Variants in CUL5 observed in about 807,000 individuals in gnomAD.
CUL5 encodes the protein cullin 5.
A neutral mutation model predicts 108.8 loss-of-function variants in CUL5; 26 were observed. The observed-to-expected ratio is 0.24, with a 90% confidence interval of 0.18 to 0.33. The LOEUF (loss-of-function observed/expected upper bound fraction) is 0.33. CUL5 is among the 10% of genes least tolerant of loss of function. The probability of loss-of-function intolerance (pLI) is 1.00; values close to 1 mark genes in which losing one functional copy is unlikely to be tolerated. For synonymous variants in CUL5, 334 were observed against 298.0 expected (o/e 1.12, Z -1.25); for missense variants, 524 against 909.2 (o/e 0.58, Z 5.45).
chr11:108,010,741 C>T (rs1862039705), intron 1 of CUL5, among the ~76,000 whole-genome samples: 1 of 152,180 alleles, frequency 6.6e-6, no homozygotes, highest in South Asian at 2.1e-4. Flanking sequence ...AATTGAGTAA[C>T]CCATCCCACT....
intron 3 of CUL5, among the ~76,000 whole-genome samples, chr11:108,047,425 A>G (rs1480834982): frequency 6.6e-6 from 1 of 152,196 alleles, no homozygotes; most frequent in Non-Finnish European, 1.5e-5. Flanking sequence ...AACATTAGTA[A>G]AAGTTGTTTG....
At chr11:108,099,930 C>G (rs1864609572) in intron 18 of CUL5, among the ~76,000 whole-genome samples, 1 of 149,074 alleles carries the variant, frequency 6.7e-6, no homozygotes, top group Non-Finnish European at 1.5e-5. Flanking sequence ...TTAATGGACT[C>G]AAGCGATCCT....
At chr11:108,056,900 G>A (rs1199121158) in intron 7 of CUL5, among the ~76,000 whole-genome samples, 1 of 152,152 alleles carries the variant, frequency 6.6e-6, no homozygotes, top group Non-Finnish European at 1.5e-5. Flanking sequence ...TGAGGTTTCA[G>A]CCAAGGAGAA....
chr11:108,061,556 C>G (rs1433012715), intron 7 of CUL5, among the ~76,000 whole-genome samples: 1 of 152,166 alleles, frequency 6.6e-6, no homozygotes. Flanking sequence ...CTTCCAGATT[C>G]AACAGTTATC....
At chr11:108,094,614 G>A in intron 14 of CUL5, 100 bp downstream of exon 14, 1 of 845,062 alleles carries the variant, frequency 1.2e-6, no homozygotes, top group Non-Finnish European at 1.7e-6. Flanking sequence ...TAGATCGAAA[G>A]ATGTTATGAA....
chr11:108,033,368 G>A (rs373293131), intron 1 of CUL5, among the ~76,000 whole-genome samples: 3 of 152,094 alleles, frequency 2.0e-5, no homozygotes, highest in Non-Finnish European at 2.9e-5. Flanking sequence ...CCCCAAACCC[G>A]TATCTCAAGT....
chr11:108,046,471 T>C (rs1305648034), intron 3 of CUL5, 102 bp downstream of exon 3: 2 of 624,796 alleles, frequency 3.2e-6, no homozygotes, highest in South Asian at 2.4e-5. Context: ...TTTCAAAATA[T>C]TGCATTGACT....
chr11:108,036,687 G>A (rs180959458), intron 2 of CUL5, among the ~76,000 whole-genome samples: 2 of 152,240 alleles, frequency 1.3e-5, no homozygotes, highest in Admixed American at 6.5e-5. Context: ...CATGTTGGCC[G>A]GGATGGTCTC....
chr11:108,069,974 A>G, intron 7 of CUL5, 122 bp from the exon 8 acceptor site: 1 of 556,672 alleles, frequency 1.8e-6, no homozygotes, highest in Non-Finnish European at 3.2e-6. Context: ...AGTTAAGGTA[A>G]GTGAAATCTA....
At chr11:108,046,015 C>T (rs1189172507) in intron 2 of CUL5, among the ~76,000 whole-genome samples, 1 of 152,134 alleles carries the variant, frequency 6.6e-6, no homozygotes, top group Non-Finnish European at 1.5e-5. Context: ...GAGATGGAGA[C>T]ATGCTTTCAT....
intron 7 of CUL5, among the ~76,000 whole-genome samples, chr11:108,065,966 G>T (rs1863666654): frequency 1.3e-5 from 2 of 151,976 alleles, no homozygotes; most frequent in Non-Finnish European, 2.9e-5. Flanking sequence ...TCTTATTCCT[G>T]ACCATTTGTA....
intron 1 of CUL5, among the ~76,000 whole-genome samples, chr11:108,014,099 A>G (rs962514905): frequency 3.3e-5 from 5 of 152,350 alleles, no homozygotes; most frequent in African/African-American, 1.2e-4. Context: ...CAACTGCTCT[A>G]TGCTCCCTCA....
intron 18 of CUL5, 66 bp downstream of exon 18, chr11:108,098,595 T>G: frequency 7.9e-7 from 1 of 1,266,554 alleles, no homozygotes; most frequent in Non-Finnish European, 1.0e-6. Context: ...TTTTTTTAAA[T>G]TTTGAAATCT....
chr11:108,049,179 C>G (rs1863148919), intron 3 of CUL5, among the ~76,000 whole-genome samples: 1 of 152,116 alleles, frequency 6.6e-6, no homozygotes, highest in Non-Finnish European at 1.5e-5. Flanking sequence ...AATCTGTTGT[C>G]CCTATGGATA....
intron 18 of CUL5, among the ~76,000 whole-genome samples, chr11:108,101,867 C>G (rs1864679211): frequency 6.6e-6 from 1 of 152,186 alleles, no homozygotes; most frequent in Admixed American, 6.5e-5. Context: ...CTTCAAGTGC[C>G]TGAAGGAACA....
At chr11:108,011,629 T>A (rs1188543719) in intron 1 of CUL5, among the ~76,000 whole-genome samples, 1 of 139,392 alleles carries the variant, frequency 7.2e-6, no homozygotes, top group African/African-American at 2.9e-5. Context: ...TTCTTTTTAA[T>A]TTTTTTTTTT....
chr11:108,068,574 A>G (rs972049492), intron 7 of CUL5, among the ~76,000 whole-genome samples: 18 of 152,202 alleles, frequency 1.2e-4, no homozygotes, highest in Non-Finnish European at 2.9e-5. Flanking sequence ...TGTCAATTCC[A>G]AAGGAATTTT....
chr11:108,099,947 G>C (rs1864610086), intron 18 of CUL5, among the ~76,000 whole-genome samples: 1 of 149,306 alleles, frequency 6.7e-6, no homozygotes, highest in Admixed American at 6.7e-5. Flanking sequence ...TCCTCCTTCA[G>C]CCTTCCCAGT....
At chr11:108,078,040 A>C in intron 10 of CUL5, 136 bp from the exon 11 acceptor site, 1 of 523,502 alleles carries the variant, frequency 1.9e-6, no homozygotes, top group Non-Finnish European at 3.3e-6. Context: ...AAAGTCTTTG[A>C]CTAGGCAAAT....
Sources: allele counts gnomAD v4.1 joint callset (sites outside exome capture counted in the v4.1 genomes callset), GRCh38; gene constraint gnomAD v4.1.1; transcripts MANE v1.5; gene names NCBI Gene and HGNC (gene_info 2026-07-23, HGNC 2026-07-21).